The following PLEKHA7 variants were observed in gnomAD, a reference collection of about 807,000 sequenced individuals.
PLEKHA7 encodes pleckstrin homology domain-containing family A member 7.
A neutral mutation model predicts 170.0 loss-of-function variants in PLEKHA7; 104 were observed. That is an observed-to-expected ratio of 0.61 (90% CI 0.52 to 0.72). The LOEUF is 0.72. Among genes scored for constraint, PLEKHA7 ranks in the 30% least tolerant of loss-of-function variants. PLEKHA7 has a pLI of 0.00. For synonymous variants in PLEKHA7, 648 were observed against 660.8 expected (o/e 0.98, Z 0.30); for missense variants, 1,615 against 1,671.7 (o/e 0.97, Z 0.59).
chr11:16,817,308 T>G lies in PLEKHA7; in HGVS notation c.1358A>C (p.Gln453Pro). The G allele has an allele frequency of 6.2e-7, 1 of 1,609,884 alleles. No homozygotes were observed. The highest frequency in any genetic ancestry group is 1.3e-5 in the African/African-American group (1 of 75,012). The change falls in exon 11 of 27, where the codon CAG (glutamine) becomes CCG (proline). Residue 453 changes from glutamine to proline, a missense_variant. Gln to Pro is a moderately conservative substitution (Grantham distance 76). Transcript: ENST00000531066. The surrounding 1 kb of genome is among the most constrained non-coding windows in gnomAD (Gnocchi z 4.4). Reference sequence around the variant, plus strand: ...GCCAGGACCCTGGCGAGGAAGCGTCTGGTCCAAGGGAAGACTGAGGAGAAA... The same window carrying G: ...GCCAGGACCCTGGCGAGGAAGCGTCGGGTCCAAGGGAAGACTGAGGAGAAA... Reference protein sequence around the residue: ...KGDSRSLPLDQTLPRQGPGQS... With the variant: ...KGDSRSLPLDPTLPRQGPGQS...
chr11:16,906,910 A>G (rs557559914), intron 3 of PLEKHA7, among the ~76,000 whole-genome samples: 1 of 140,934 alleles, frequency 7.1e-6, no homozygotes, highest in Non-Finnish European at 1.5e-5. Context: ...CCATCGTCTG[A>G]GATGTGGGGA....
At chr11:16,955,753 G>A (rs972577685) in intron 3 of PLEKHA7, among the ~76,000 whole-genome samples, 1 of 152,178 alleles carries the variant, frequency 6.6e-6, no homozygotes, top group Non-Finnish European at 1.5e-5. Flanking sequence ...GGGCTTGGGG[G>A]AAAATGGGAT....
At chr11:16,828,299 G>A (rs537403016) in intron 9 of PLEKHA7, among the ~76,000 whole-genome samples, 29 of 152,122 alleles carry the variant, frequency 1.9e-4, no homozygotes, top group South Asian at 6.2e-4. Flanking sequence ...AGATCTGACG[G>A]TTTTAGAAGC....
chr11:16,822,649 T>C (rs1395276002), intron 10 of PLEKHA7, among the ~76,000 whole-genome samples: 1 of 152,126 alleles, frequency 6.6e-6, no homozygotes, highest in Non-Finnish European at 1.5e-5. Context: ...CATCTTCTCT[T>C]CATCTCCTTC....
chr11:16,919,207 T>C (rs2136225173), intron 3 of PLEKHA7, among the ~76,000 whole-genome samples: 1 of 152,188 alleles, frequency 6.6e-6, no homozygotes, highest in East Asian at 1.9e-4. Context: ...AGAGTGAAAC[T>C]CTGTCTCAAA....
intron 3 of PLEKHA7, among the ~76,000 whole-genome samples, chr11:16,981,048 C>T (rs567533041): frequency 1.3e-5 from 2 of 152,170 alleles, no homozygotes; most frequent in East Asian, 3.9e-4. Context: ...GCAGAGAGAT[C>T]AATGGGGACT....
At chr11:16,927,985 AG>A (rs534853664) in intron 3 of PLEKHA7, among the ~76,000 whole-genome samples, 8 of 139,244 alleles carry the variant, frequency 5.7e-5, no homozygotes, top group Non-Finnish European at 1.1e-4. Flanking sequence ...TTGTGTGTGG[AG>A]GGGGAAGGGG....
intron 5 of PLEKHA7, 158 bp downstream of exon 5, chr11:16,855,645 C>T: frequency 1.6e-6 from 1 of 628,926 alleles, no homozygotes. Flanking sequence ...GGGACATATC[C>T]CTCTTGGCCT....
intron 3 of PLEKHA7, among the ~76,000 whole-genome samples, chr11:16,921,068 C>G (rs1859049954): frequency 6.6e-6 from 1 of 152,238 alleles, no homozygotes; most frequent in Non-Finnish European, 1.5e-5. Flanking sequence ...ACACCACCAG[C>G]TGGGAGCCCT....
chr11:16,855,458 AG>A (rs1853358965), intron 5 of PLEKHA7, among the ~76,000 whole-genome samples: 1 of 152,138 alleles, frequency 6.6e-6, no homozygotes, highest in African/African-American at 2.4e-5. Context: ...GTCCTTCCCA[AG>A]GGCACCCTTT....
intron 19 of PLEKHA7, among the ~76,000 whole-genome samples, chr11:16,793,925 G>A (rs1848031144): frequency 1.3e-5 from 2 of 151,972 alleles, no homozygotes; most frequent in South Asian, 2.1e-4. Flanking sequence ...TGGAGACATT[G>A]AGCAAATGTC....
At chr11:16,860,910 T>A (rs427327) in intron 4 of PLEKHA7, among the ~76,000 whole-genome samples, 135,977 of 152,222 alleles carry the variant, frequency 0.89, 60,961 homozygotes, top group African/African-American at 0.94. Context: ...GTTTTGCAAA[T>A]TAAGTGGAAA....
At chr11:16,824,121 A>AG (rs1054533537) in intron 10 of PLEKHA7, among the ~76,000 whole-genome samples, 1 of 152,188 alleles carries the variant, frequency 6.6e-6, no homozygotes, top group South Asian at 2.1e-4. Flanking sequence ...GGTAGTGGGC[A>AG]GGGGGGAGTA....
rs751555365 is a variant in PLEKHA7 at position 16,871,213 on chromosome 11, T to C, written c.222-31A>G. The C allele has an allele frequency of 6.5e-6, 10 of 1,527,050 alleles. No homozygotes were observed. In the South Asian group the frequency reaches 1.1e-4, roughly 17 times the overall value. 94.6% of individuals were successfully genotyped at this position (1,527,050 alleles called of 1,614,324 possible). ...GAGAAAGAGAGAAGATGGATGAGAA[T>C]TCGTGTGAATGGAAGGAGTACAGAC... On this transcript the variant is annotated intron_variant, in intron 3 of 26. Coordinates refer to ENST00000531066, the MANE Select transcript of PLEKHA7 (RefSeq NM_001329630.2).
chr11:16,987,132 C>T (rs1863778012), intron 3 of PLEKHA7, among the ~76,000 whole-genome samples: 1 of 152,208 alleles, frequency 6.6e-6, no homozygotes, highest in Non-Finnish European at 1.5e-5. Context: ...CCCTAATCTG[C>T]TGAGAAAGAA....
intron 3 of PLEKHA7, among the ~76,000 whole-genome samples, chr11:16,892,730 C>CAA (rs1281928807): frequency 6.6e-6 from 1 of 150,534 alleles, no homozygotes; most frequent in Non-Finnish European, 1.5e-5. Context: ...CTCAGCCTCT[C>CAA]AAAGTGCTGG....
At chr11:16,979,457 A>G (rs1290489765) in intron 3 of PLEKHA7, among the ~76,000 whole-genome samples, 1 of 152,140 alleles carries the variant, frequency 6.6e-6, no homozygotes, top group East Asian at 1.9e-4. Context: ...TCTGAGGCCC[A>G]CCTTGCTCAA....
intron 3 of PLEKHA7, chr11:17,013,359 C>G (rs1009426202): frequency 1.3e-5 from 2 of 152,350 alleles, no homozygotes; most frequent in African/African-American, 4.8e-5. Context: ...ACCAGCAATC[C>G]CCCGGTTCAG....
chr11:16,876,928 T>C (rs1855341831), intron 3 of PLEKHA7, among the ~76,000 whole-genome samples: 1 of 152,184 alleles, frequency 6.6e-6, no homozygotes, highest in Admixed American at 6.5e-5. Flanking sequence ...AACAGAACAG[T>C]GGGGGTCGGA....
Sources: allele counts gnomAD v4.1 joint callset (sites outside exome capture counted in the v4.1 genomes callset), GRCh38; gene constraint gnomAD v4.1.1; non-coding constraint Gnocchi (gnomAD v3.1); transcripts MANE v1.5; gene names NCBI Gene and HGNC (gene_info 2026-07-23, HGNC 2026-07-21).